Variants in TTC7B observed in about 807,000 individuals in gnomAD.
TTC7B encodes tetratricopeptide repeat domain 7B.
A neutral mutation model predicts 106.8 loss-of-function variants in TTC7B; 28 were observed. The observed-to-expected ratio is 0.26, with a 90% CI of 0.19 to 0.36. The LOEUF (loss-of-function observed/expected upper bound fraction) is 0.36, where lower values mean the gene tolerates loss of function less well. Among genes scored for constraint, TTC7B ranks in the 10% least tolerant of loss-of-function variants. The pLI is 1.00. For missense variants in TTC7B, 862 were observed against 1,076.4 expected (o/e 0.80, Z 2.79); for synonymous variants, 405 against 430.6 (o/e 0.94, Z 0.74).
chr14:90,787,000 T>C (rs773496482), intron 1 of TTC7B, among the ~76,000 whole-genome samples: 1 of 152,200 alleles, frequency 6.6e-6, no homozygotes, highest in Non-Finnish European at 1.5e-5. Context: ...TGTTACGTAT[T>C]TTCAAGAGTG....
chr14:90,562,417 TCTTA>T (rs1890631877), intron 19 of TTC7B, among the ~76,000 whole-genome samples: 1 of 152,254 alleles, frequency 6.6e-6, no homozygotes, highest in African/African-American at 2.4e-5. Context: ...CCTTAGTGTC[TCTTA>T]CTTTTCACCT....
rs190521520 is a variant in TTC7B, at chr14:90,526,111, T to A, written c.*15257A>T. ...TTTTTAAGAAACTGCCAAACTGTTT[T>A]CCAAAGTGGCTGTACCATTTTACAT... On this transcript the variant is annotated 3_prime_UTR_variant, in exon 20 of 20. Transcript: ENST00000328459. 6.6e-6 allele frequency: 1 copy of A among 152,240 alleles called. No homozygotes were observed. Among genetic ancestry groups the A allele is most frequent in the Non-Finnish European group, 1.5e-5 (1 of 68,030 alleles). 9.4% of individuals were successfully genotyped at this position (152,240 alleles called of 1,614,324 possible). A position where few individuals can be genotyped will look rare whatever the true frequency, so the allele number is the denominator to read the frequency against.
chr14:90,699,208 A>G, intron 5 of TTC7B: 1 of 455,974 alleles, frequency 2.2e-6, no homozygotes, highest in South Asian at 1.5e-5. Context: ...GCTCTTTAAT[A>G]TTGCCATCTG....
At chr14:90,793,624 T>C (rs201576303) in intron 1 of TTC7B, among the ~76,000 whole-genome samples, 8 of 131,620 alleles carry the variant, frequency 6.1e-5, no homozygotes, top group Non-Finnish European at 1.4e-4. Context: ...TTTTTTTTTT[T>C]TGAGATGGAG....
Position 90,593,578 on chromosome 14 carries a change from A to G in TTC7B, c.2015T>C (p.Leu672Pro). 6.2e-7 allele frequency: 1 copy of G among 1,612,720 alleles called. No homozygotes were observed. The highest frequency in any genetic ancestry group is 8.5e-7 in the Non-Finnish European group (1 of 1,179,212). ...SVAASRVEQA[L>P]SEVASSLQSS... ...CTGCAGAGACGAAGCCACTTCCGAC[A>G]GTGCCTGCTCCACTCTTGAGGCTGC... Residue 672 changes from leucine to proline, a missense_variant, in exon 18 of 20, where the codon CTG becomes CCG. Physicochemically the swap from Leu to Pro is moderately conservative, Grantham distance 98. Coordinates refer to ENST00000328459, the MANE Select transcript of TTC7B (RefSeq NM_001010854.2).
intron 3 of TTC7B, among the ~76,000 whole-genome samples, chr14:90,755,038 C>T (rs986153832): frequency 1.3e-5 from 2 of 152,034 alleles, no homozygotes; most frequent in Admixed American, 1.3e-4. Context: ...TAACTCAAAA[C>T]CTTCCTTCCT....
chr14:90,542,749 G>T (rs1020976166), intron 19 of TTC7B, among the ~76,000 whole-genome samples: 1 of 141,318 alleles, frequency 7.1e-6, no homozygotes, highest in Non-Finnish European at 1.6e-5. Flanking sequence ...GGGTGGGGTG[G>T]GGAGGGGAGT....
chr14:90,697,873 T>C (rs527776781), intron 5 of TTC7B: 2 of 152,186 alleles, frequency 1.3e-5, no homozygotes, highest in African/African-American at 4.8e-5. Flanking sequence ...CAAATACAAG[T>C]TTTTCTCAAA....
chr14:90,744,307 T>A (rs1487675628), intron 4 of TTC7B, among the ~76,000 whole-genome samples: 1 of 152,134 alleles, frequency 6.6e-6, no homozygotes, highest in East Asian at 1.9e-4. Context: ...CTATTTTTCT[T>A]TCTTTCTTTC....
In TTC7B at chr14:90,535,986, T is replaced by C; in HGVS notation, c.*5382A>G. The C allele has an allele frequency of 6.5e-6, 1 of 153,486 alleles. No homozygotes were observed. The highest frequency in any genetic ancestry group is 1.5e-5 in the Non-Finnish European group (1 of 68,204). The allele number at this position is 153,486 out of a possible 1,614,324, so 9.5% of individuals were successfully genotyped here. Reference sequence around the variant, plus strand: ...GATGACCTCACTTCACCTGAATTACTTCCTTAAGGGGCCTATCTCCAAATA... The same window carrying C: ...GATGACCTCACTTCACCTGAATTACCTCCTTAAGGGGCCTATCTCCAAATA... On this transcript the variant is annotated 3_prime_UTR_variant, in exon 20 of 20. Transcript: ENST00000328459.
rs371513877 is a variant in TTC7B at position 90,741,637 on chromosome 14, G to A, written c.576+3155C>T. 5.3e-5 allele frequency among the ~76,000 whole-genome samples: 8 copies of A among 151,998 alleles called. No individual in the cohort carries two copies. The East Asian group carries it at 1.2e-3, about 22-fold the overall frequency. Reference sequence around the variant, plus strand: ...TTTTCAATTCAACATAATTCTTACTGAGTTCAAAATTAAGTCAATTAAGTT... The same window carrying A: ...TTTTCAATTCAACATAATTCTTACTAAGTTCAAAATTAAGTCAATTAAGTT... On this transcript the variant is annotated intron_variant, in intron 4 of 19. Transcript: ENST00000328459.
At chr14:90,632,237 T>C (rs1595226011) in intron 15 of TTC7B, among the ~76,000 whole-genome samples, 1 of 152,250 alleles carries the variant, frequency 6.6e-6, no homozygotes, top group Non-Finnish European at 1.5e-5. Flanking sequence ...TATCAAATGC[T>C]AATTTAGTGG....
At chr14:90,678,871 T>A (rs1282937213) in intron 8 of TTC7B, among the ~76,000 whole-genome samples, 1 of 152,222 alleles carries the variant, frequency 6.6e-6, no homozygotes, top group Non-Finnish European at 1.5e-5. Context: ...TCAATCAGAA[T>A]TGTCCAGGTA....
At chr14:90,664,405 G>T (rs1001266041) in intron 9 of TTC7B, among the ~76,000 whole-genome samples, 3 of 152,112 alleles carry the variant, frequency 2.0e-5, no homozygotes, top group Non-Finnish European at 4.4e-5. Flanking sequence ...GAGTAGCTGG[G>T]ATTACAGGTG....
chr14:90,794,560 G>A (rs181199287), intron 1 of TTC7B, among the ~76,000 whole-genome samples: 2 of 152,186 alleles, frequency 1.3e-5, no homozygotes, highest in Admixed American at 1.3e-4. Context: ...GTGTGAGAAT[G>A]GACTAATACA....
chr14:90,598,641 G>A (rs1368415242), intron 17 of TTC7B, among the ~76,000 whole-genome samples: 1 of 152,200 alleles, frequency 6.6e-6, no homozygotes, highest in Non-Finnish European at 1.5e-5. Flanking sequence ...TGTACACTGA[G>A]GGCTGTTGAG....
chr14:90,691,530 A>G (rs1316274136), intron 6 of TTC7B, among the ~76,000 whole-genome samples: 2 of 152,248 alleles, frequency 1.3e-5, no homozygotes, highest in African/African-American at 4.8e-5. Context: ...TTTAAACTCA[A>G]CCTACATTTA....
intron 5 of TTC7B, among the ~76,000 whole-genome samples, chr14:90,700,983 T>TC (rs1345693718): frequency 6.6e-6 from 1 of 151,818 alleles, no homozygotes; most frequent in Admixed American, 6.6e-5. Context: ...GAGTCCAGCT[T>TC]CCCCCTCTGT....
chr14:90,728,337 CAAAAAAAAAAAAA>C (rs35504744), intron 5 of TTC7B, among the ~76,000 whole-genome samples: 3 of 40,036 alleles, frequency 7.5e-5, no homozygotes, highest in Admixed American at 8.7e-4. Context: ...GTCCCCCCCG[CAAAAAAAAAAAAA>C]AAAAAAAAAA....
Sources: gnomAD v4.1 joint callset for allele counts (sites outside exome capture counted in the v4.1 genomes callset) on GRCh38, gnomAD v4.1.1 for gene constraint, MANE v1.5 for transcripts, NCBI Gene and HGNC (gene_info 2026-07-23, HGNC 2026-07-21) for gene names.